Variants in SLC2A12 observed in about 807,000 individuals in gnomAD.
The protein encoded by SLC2A12 is solute carrier family 2 member 12.
In SLC2A12, 23 loss-of-function variants were observed where a neutral mutation model predicts 41.8. The ratio of observed to expected loss-of-function variants is 0.55; its 90% confidence interval spans 0.40 to 0.78. SLC2A12 has a LOEUF of 0.78. Among genes scored for constraint, SLC2A12 ranks in the 30% least tolerant of loss-of-function variants. The pLI, the probability that SLC2A12 is intolerant of heterozygous loss-of-function variation, is 0.00. For synonymous variants in SLC2A12, 295 were observed against 285.9 expected (o/e 1.03, Z -0.32); for missense variants, 654 against 745.6 (o/e 0.88, Z 1.43).
In SLC2A12 at chr6:134,029,509, T is replaced by G. The variant is rs61741413; in HGVS notation, c.316A>C (p.Arg106=). The G allele has an allele frequency of 1.2e-3, 1,940 of 1,614,166 alleles. 23 individuals are homozygous for G. In the African/African-American group the frequency reaches 0.023, roughly 19 times the overall value. The change falls in exon 2 of 5, where the codon AGA becomes CGA. Residue 106 remains arginine (R), a synonymous_variant. Coordinates refer to ENST00000275230, the MANE Select transcript of SLC2A12 (RefSeq NM_145176.3). ...TGGVLIDRYG[R]RTAIILSSCL... is the part of the protein sequence containing the mutation. Reference sequence around the variant, plus strand: ...GATGACAAGATGATTGCTGTCCTTCTTCCATATCTGTCTATCAGGACCCCT... The same window carrying G: ...GATGACAAGATGATTGCTGTCCTTCGTCCATATCTGTCTATCAGGACCCCT...
intron 1 of SLC2A12, among the ~76,000 whole-genome samples, chr6:134,039,636 A>G (rs1044401180): frequency 1.3e-5 from 2 of 152,152 alleles, no homozygotes; most frequent in Admixed American, 6.5e-5. Context: ...TTTAATCACA[A>G]TTGATGTCCC....
At chr6:134,040,802 G>A (rs1030469739) in intron 1 of SLC2A12, among the ~76,000 whole-genome samples, 16 of 152,350 alleles carry the variant, frequency 1.1e-4, no homozygotes, top group African/African-American at 3.8e-4. Context: ...AAACTTGGCT[G>A]TGAGAGAGAT....
intron 2 of SLC2A12, among the ~76,000 whole-genome samples, chr6:134,019,664 C>G (rs888219034): frequency 6.6e-6 from 1 of 152,234 alleles, no homozygotes; most frequent in South Asian, 2.1e-4. Context: ...GGCCATGAAC[C>G]TCTTCGGTAG....
At chr6:134,013,089 G>A (rs907474079) in intron 2 of SLC2A12, among the ~76,000 whole-genome samples, 2 of 152,012 alleles carry the variant, frequency 1.3e-5, no homozygotes, top group Admixed American at 6.6e-5. Flanking sequence ...TTTTAAGCTG[G>A]AAAGTCTTTT....
At chr6:134,046,977 A>T (rs929814489) in intron 1 of SLC2A12, among the ~76,000 whole-genome samples, 1 of 152,342 alleles carries the variant, frequency 6.6e-6, no homozygotes, top group Non-Finnish European at 1.5e-5. Flanking sequence ...TATTTGACTC[A>T]GTTTCAGCTG....
intron 1 of SLC2A12, among the ~76,000 whole-genome samples, chr6:134,046,346 A>C (rs1777454198): frequency 6.6e-6 from 1 of 152,244 alleles, no homozygotes; most frequent in Non-Finnish European, 1.5e-5. Flanking sequence ...TGCTTTACTT[A>C]AAAAATATAT....
intron 1 of SLC2A12, among the ~76,000 whole-genome samples, chr6:134,042,782 T>C (rs1388122576): frequency 1.3e-5 from 2 of 151,992 alleles, no homozygotes; most frequent in Admixed American, 6.6e-5. Context: ...CTGAGCAACA[T>C]AGTAAGACTC....
rs775384894 is a variant in SLC2A12 at position 134,028,531 on chromosome 6, T to C, written c.1294A>G (p.Thr432Ala). The C allele has an allele frequency of 1.2e-6, 2 of 1,614,164 alleles. No individual in the cohort carries two copies. The highest frequency in any genetic ancestry group is 2.2e-5 in the South Asian group (2 of 91,076). Reference sequence around the variant, plus strand: ...GCATTTAGCAAGGATGCTGAGGTCGTCTCCCCTCTCTTATCCACATCATTT... The same window carrying C: ...GCATTTAGCAAGGATGCTGAGGTCGCCTCCCCTCTCTTATCCACATCATTT... ...LRNDVDKRGE[T>A]TSASLLNAGL... Residue 432 changes from threonine to alanine, a missense_variant, in exon 2 of 5, where the codon ACG (threonine) becomes GCG (alanine). By Grantham distance (58) the Thr-to-Ala change is moderately conservative (BLOSUM62 0). Coordinates refer to ENST00000275230, the MANE Select transcript of SLC2A12 (RefSeq NM_145176.3).
intron 4 of SLC2A12, 81 bp downstream of exon 4, chr6:134,001,916 G>A: frequency 2.1e-6 from 3 of 1,430,348 alleles, no homozygotes; most frequent in Non-Finnish European, 2.8e-6. Context: ...AATAATTTCA[G>A]ATATTATTCC....
chr6:134,028,671 G>T lies in SLC2A12; in HGVS notation c.1154C>A (p.Ser385Tyr), dbSNP rs1338828179. The change falls in exon 2 of 5, where the codon TCC becomes TAC. Residue 385 changes from serine to tyrosine, a missense_variant. Transcript: ENST00000275230. ...TCCATAAATCACAGACTCATCCAAGGACTGGTTGATAGAATTGTGGCTTCT... is the reference window on the plus strand; with the variant it reads ...TCCATAAATCACAGACTCATCCAAGTACTGGTTGATAGAATTGTGGCTTCT... ...ICRSHNSINQ[S>Y]LDESVIYGPG... 2 of 1,614,176 alleles carry T rather than the reference G, an allele frequency of 1.2e-6. No homozygotes were observed. The highest frequency in any genetic ancestry group is 1.7e-6 in the Non-Finnish European group (2 of 1,180,040).
intron 1 of SLC2A12, among the ~76,000 whole-genome samples, chr6:134,050,318 C>A (rs1349632022): frequency 6.6e-6 from 1 of 152,128 alleles, no homozygotes; most frequent in East Asian, 1.9e-4. Flanking sequence ...ATGTATAGCA[C>A]AAATCAAAGT....
chr6:134,018,606 A>C (rs533824392), intron 2 of SLC2A12, among the ~76,000 whole-genome samples: 1 of 152,308 alleles, frequency 6.6e-6, no homozygotes, highest in Admixed American at 6.5e-5. Flanking sequence ...TTACCACCTC[A>C]GAAATGTCTT....
intron 4 of SLC2A12, among the ~76,000 whole-genome samples, chr6:133,993,157 C>T (rs1382990175): frequency 1.3e-5 from 2 of 152,152 alleles, no homozygotes; most frequent in Non-Finnish European, 2.9e-5. Context: ...AAAACTGGGC[C>T]TAGTCCCTTC....
chr6:134,021,236 A>G (rs993491753), intron 2 of SLC2A12, among the ~76,000 whole-genome samples: 2 of 152,192 alleles, frequency 1.3e-5, no homozygotes, highest in African/African-American at 4.8e-5. Context: ...ATCTTTACAC[A>G]AGTAAAGAAG....
intron 3 of SLC2A12, among the ~76,000 whole-genome samples, chr6:134,004,016 TTTAGAGCATTCTAGG>T (rs1776782207): frequency 6.6e-6 from 1 of 152,204 alleles, no homozygotes; most frequent in Non-Finnish European, 1.5e-5. Flanking sequence ...ATCTAAAGGT[TTTAGAGCATTCTAGG>T]CTTTTTGTTT....
At position 134,006,175 on chromosome 6, in the gene SLC2A12, G is replaced by A. The variant is rs1265160323; in HGVS notation, c.1567+637C>T. ...GCCTGGGCAACAGAGAGAGACTATC[G>A]GAAAAAAAAAAAAAAAACAAAAAAA... On this transcript the variant is annotated intron_variant, in intron 3 of 4. Coordinates refer to ENST00000275230, the MANE Select transcript of SLC2A12 (RefSeq NM_145176.3). Among the ~76,000 whole-genome samples, 128 of 81,274 alleles carry A rather than the reference G, an allele frequency of 1.6e-3. 1 individual carries two copies. The highest frequency in any genetic ancestry group is 4.3e-3 in the Admixed American group (32 of 7,414). 53.3% of individuals were successfully genotyped at this position (81,274 alleles called of 152,430 possible). A position where few individuals can be genotyped will look rare whatever the true frequency, so the allele number is the denominator to read the frequency against.
At chr6:134,020,870 C>A (rs1777031316) in intron 2 of SLC2A12, among the ~76,000 whole-genome samples, 1 of 152,180 alleles carries the variant, frequency 6.6e-6, no homozygotes, top group South Asian at 2.1e-4. Flanking sequence ...AACTCGTTGG[C>A]ATTGCTTCTG....
chr6:133,994,286 C>T (rs75447748), intron 4 of SLC2A12, among the ~76,000 whole-genome samples: 9,352 of 152,206 alleles, frequency 0.061, 301 homozygotes, highest in Admixed American at 0.078. Context: ...GAGAACATCA[C>T]AGGTTCAATT....
intron 2 of SLC2A12, among the ~76,000 whole-genome samples, chr6:134,011,664 C>A (rs550499276): frequency 2.0e-5 from 3 of 151,996 alleles, no homozygotes; most frequent in African/African-American, 7.3e-5. Context: ...AACAGGAGAT[C>A]GAGGCTGCAG....
Sources: allele counts gnomAD v4.1 joint callset (sites outside exome capture counted in the v4.1 genomes callset), GRCh38; gene constraint gnomAD v4.1.1; transcripts MANE v1.5; gene names NCBI Gene and HGNC (gene_info 2026-07-23, HGNC 2026-07-21).